The following SCHIP1 variants were observed in gnomAD, a reference collection of about 807,000 sequenced individuals.
SCHIP1 encodes the protein schwannomin-interacting protein 1.
SCHIP1 carries 8 observed loss-of-function variants against 29.7 expected under a neutral mutation model. The observed-to-expected ratio is 0.27, with a 90% CI of 0.16 to 0.49. SCHIP1 has a LOEUF of 0.49. SCHIP1 is among the 20% of genes least tolerant of loss of function. The pLI, the probability that SCHIP1 is intolerant of heterozygous loss-of-function variation, is 0.99. For missense variants in SCHIP1, 193 were observed against 294.6 expected (o/e 0.66, Z 2.52); for synonymous variants, 76 against 94.9 (o/e 0.80, Z 1.16).
chr3:159,322,644 G>C, the SCHIP1 span, among the ~76,000 whole-genome samples: 1 of 152,198 alleles, frequency 6.6e-6, no homozygotes, highest in Non-Finnish European at 1.5e-5. Flanking sequence ...ATTTATTCTG[G>C]AGTGTGAGGT....
At chr3:159,322,971 T>C in the SCHIP1 span, among the ~76,000 whole-genome samples, 4 of 152,200 alleles carry the variant, frequency 2.6e-5, no homozygotes, top group Non-Finnish European at 5.9e-5. Flanking sequence ...TAATGGGCAA[T>C]ATCCTCTTTG....
chr3:159,404,205 T>C, the SCHIP1 span, among the ~76,000 whole-genome samples: 5 of 152,052 alleles, frequency 3.3e-5, no homozygotes, highest in African/African-American at 7.2e-5. Context: ...AGCACATTCC[T>C]AGCTTTAGTG....
chr3:159,549,135 C>G, the SCHIP1 span, among the ~76,000 whole-genome samples: 1 of 152,146 alleles, frequency 6.6e-6, no homozygotes, highest in African/African-American at 2.4e-5. Context: ...TAGCTGTAGT[C>G]TGACTCATGC....
At chr3:159,426,227 C>T in the SCHIP1 span, among the ~76,000 whole-genome samples, 1 of 150,538 alleles carries the variant, frequency 6.6e-6, no homozygotes, top group Non-Finnish European at 1.5e-5. Context: ...ACACAAAAAA[C>T]CCTTAATGAA....
At chr3:159,494,191 A>G in the SCHIP1 span, among the ~76,000 whole-genome samples, 25 of 152,066 alleles carry the variant, frequency 1.6e-4, no homozygotes. Flanking sequence ...CAATTAAAAG[A>G]ACTAGAGAAG....
chr3:159,706,833 G>A, the SCHIP1 span, among the ~76,000 whole-genome samples: 1 of 152,206 alleles, frequency 6.6e-6, no homozygotes, highest in South Asian at 2.1e-4. Context: ...TAAAGGGTGA[G>A]TGGGATGGGG....
At chr3:159,888,724 T>G in intron 4 of SCHIP1, 96 bp from the exon 6 acceptor site, 1 of 1,522,170 alleles carries the variant, frequency 6.6e-7, no homozygotes, top group Non-Finnish European at 8.8e-7. Flanking sequence ...TTGCAGTGGG[T>G]GGGTGAGTGG....
At chr3:159,454,301 AG>A in the SCHIP1 span, among the ~76,000 whole-genome samples, 1 of 152,116 alleles carries the variant, frequency 6.6e-6, no homozygotes, top group African/African-American at 2.4e-5. Context: ...CCGCTGACTT[AG>A]GGGGCTGTTC....
chr3:159,850,542 C>CAAAAAAA (rs61224003), intron 1 of SCHIP1, among the ~76,000 whole-genome samples: 5 of 104,942 alleles, frequency 4.8e-5, no homozygotes, highest in Admixed American at 1.0e-4. Context: ...GATTCCATCT[C>CAAAAAAA]AAAAAAAAAA....
intron 2 of SCHIP1, among the ~76,000 whole-genome samples, chr3:159,882,382 T>C (rs1716534697): frequency 6.6e-6 from 1 of 152,176 alleles, no homozygotes; most frequent in Admixed American, 6.5e-5. Context: ...CATTTATACG[T>C]AGATACTAGT....
chr3:159,294,600 T>C, the SCHIP1 span, among the ~76,000 whole-genome samples: 2 of 152,330 alleles, frequency 1.3e-5, no homozygotes, highest in East Asian at 3.9e-4. Context: ...ATGCAGAAAG[T>C]TGAAAAATTA....
the SCHIP1 span, among the ~76,000 whole-genome samples, chr3:159,671,437 G>A: frequency 2.6e-5 from 4 of 152,018 alleles, no homozygotes; most frequent in African/African-American, 9.7e-5. Flanking sequence ...TTTAGAATTA[G>A]CATCTCTCTG....
At chr3:159,443,551 C>G in the SCHIP1 span, among the ~76,000 whole-genome samples, 1 of 152,086 alleles carries the variant, frequency 6.6e-6, no homozygotes, top group Non-Finnish European at 1.5e-5. Flanking sequence ...GCTCTGTCAC[C>G]AGGCTGGAGT....
At chr3:159,574,333 C>T in the SCHIP1 span, among the ~76,000 whole-genome samples, 12 of 152,118 alleles carry the variant, frequency 7.9e-5, no homozygotes, top group African/African-American at 2.7e-4. Context: ...GATGCTATTC[C>T]TTTCTGTTAG....
At chr3:159,390,949 A>G in the SCHIP1 span, among the ~76,000 whole-genome samples, 1 of 152,204 alleles carries the variant, frequency 6.6e-6, no homozygotes, top group Non-Finnish European at 1.5e-5. Flanking sequence ...ATCCTTTCAT[A>G]CAATCAGTTA....
At chr3:159,747,588 A>G in the SCHIP1 span, among the ~76,000 whole-genome samples, 1 of 152,144 alleles carries the variant, frequency 6.6e-6, no homozygotes, top group East Asian at 1.9e-4. Context: ...GACGTGCCCA[A>G]GTATATTCAC....
chr3:159,636,670 A>G, the SCHIP1 span, among the ~76,000 whole-genome samples: 1 of 152,236 alleles, frequency 6.6e-6, no homozygotes, highest in Non-Finnish European at 1.5e-5. Context: ...ACATGAATTC[A>G]TCATAGGTTA....
At chr3:159,789,451 T>A in the SCHIP1 span, among the ~76,000 whole-genome samples, 2 of 152,236 alleles carry the variant, frequency 1.3e-5, no homozygotes, top group Non-Finnish European at 2.9e-5. Context: ...CTGTGCACCA[T>A]GGCCTAGCCA....
the SCHIP1 span, chr3:159,765,518 A>C: frequency 4.9e-6 from 1 of 205,052 alleles, no homozygotes; most frequent in South Asian, 1.0e-4. Context: ...TCAAATCGTA[A>C]TAGTTGTGGC....
Sources: gnomAD v4.1 joint callset for allele counts (sites outside exome capture counted in the v4.1 genomes callset) on GRCh38, gnomAD v4.1.1 for gene constraint, MANE v1.5 for transcripts, NCBI Gene and HGNC (gene_info 2026-07-23, HGNC 2026-07-21) for gene names.